Variants in EYA4 observed in about 807,000 individuals in gnomAD.
EYA4 encodes the protein protein phosphatase EYA4.
A neutral mutation model predicts 87.9 loss-of-function variants in EYA4; 31 were observed. The observed-to-expected ratio is 0.35, with a 90% CI of 0.27 to 0.48. The LOEUF is 0.48. Ranked by LOEUF, EYA4 falls within the 20% of genes least tolerant of loss-of-function variation. The pLI is 0.99. For missense variants in EYA4, 678 were observed against 761.4 expected (o/e 0.89, Z 1.29); for synonymous variants, 263 against 270.6 (o/e 0.97, Z 0.28).
intron 2 of EYA4, among the ~76,000 whole-genome samples, chr6:133,298,823 A>G (rs1416759017): frequency 6.6e-6 from 1 of 152,232 alleles, no homozygotes; most frequent in Non-Finnish European, 1.5e-5. Context: ...ACCTACAGAA[A>G]TAATTTCATG....
At chr6:133,441,259 G>T (rs1250781045) in intron 3 of EYA4, among the ~76,000 whole-genome samples, 2 of 152,016 alleles carry the variant, frequency 1.3e-5, no homozygotes, top group African/African-American at 4.8e-5. Flanking sequence ...CCAATATGCT[G>T]TTAAGTCCAC....
intron 2 of EYA4, among the ~76,000 whole-genome samples, chr6:133,361,063 GT>G (rs1357836750): frequency 1.3e-5 from 2 of 152,178 alleles, no homozygotes; most frequent in Non-Finnish European, 2.9e-5. Context: ...ATACTCCAGA[GT>G]TCATCCAGAC....
chr6:133,497,288 C>T (rs1043427092), intron 13 of EYA4, among the ~76,000 whole-genome samples: 3 of 151,996 alleles, frequency 2.0e-5, no homozygotes, highest in Admixed American at 2.0e-4. Context: ...GTAGGAATGA[C>T]CTTTTACCCA....
intron 3 of EYA4, among the ~76,000 whole-genome samples, chr6:133,446,207 G>A (rs576177641): frequency 6.6e-6 from 1 of 151,958 alleles, no homozygotes; most frequent in African/African-American, 2.4e-5. Context: ...AGTTTAGGAG[G>A]GTGGGTATGC....
chr6:133,352,291 C>T (rs1396495223), intron 2 of EYA4, among the ~76,000 whole-genome samples: 3 of 152,114 alleles, frequency 2.0e-5, no homozygotes, highest in South Asian at 2.1e-4. Flanking sequence ...AACACAGTAA[C>T]GTCACAATTC....
chr6:133,517,675 G>C (rs1478100444), intron 17 of EYA4, among the ~76,000 whole-genome samples: 1 of 152,202 alleles, frequency 6.6e-6, no homozygotes, highest in African/African-American at 2.4e-5. Flanking sequence ...GTAGCTTCCT[G>C]TGTCTGACTG....
At chr6:133,301,941 T>C (rs545739195) in intron 2 of EYA4, among the ~76,000 whole-genome samples, 4 of 152,344 alleles carry the variant, frequency 2.6e-5, no homozygotes, top group Admixed American at 2.6e-4. Flanking sequence ...TGGGCACATC[T>C]GCCTGGGACG....
At chr6:133,519,686 C>T (rs1799935109) in intron 17 of EYA4, among the ~76,000 whole-genome samples, 1 of 143,852 alleles carries the variant, frequency 7.0e-6, no homozygotes, top group Admixed American at 6.8e-5. Flanking sequence ...GGCAGAGACA[C>T]AACAAAAAAA....
intron 2 of EYA4, among the ~76,000 whole-genome samples, chr6:133,299,476 C>A (rs904191858): frequency 6.6e-6 from 1 of 151,778 alleles, no homozygotes; most frequent in African/African-American, 2.4e-5. Flanking sequence ...CTTTGGGAGG[C>A]CGAGGTGGGT....
intron 2 of EYA4, among the ~76,000 whole-genome samples, chr6:133,297,567 C>T (rs1240451381): frequency 2.0e-5 from 3 of 152,184 alleles, no homozygotes; most frequent in Admixed American, 1.3e-4. Flanking sequence ...AAGTTGGACT[C>T]CTGGTTTTGC....
rs375381976 is a variant in EYA4, at chr6:133,391,233, T to G, written c.83+8792T>G. Reference sequence around the variant, plus strand: ...TGGGTTTTGTTTTTGTTTTTTTTTTTTTTTTGAGATGGAGTTTCGCTCTTG... The same window carrying G: ...TGGGTTTTGTTTTTGTTTTTTTTTTGTTTTTGAGATGGAGTTTCGCTCTTG... On this transcript the variant is annotated intron_variant, in intron 3 of 19. Transcript: ENST00000355286. Among the ~76,000 whole-genome samples the G allele has an allele frequency of 5.0e-3, 741 of 147,504 alleles. 5 individuals carry two copies. Among genetic ancestry groups the G allele is most frequent in the South Asian group, 1.0e-2 (46 of 4,620 alleles).
intron 2 of EYA4, among the ~76,000 whole-genome samples, chr6:133,321,135 C>G (rs889871707): frequency 6.6e-6 from 1 of 152,140 alleles, no homozygotes; most frequent in Admixed American, 6.5e-5. Flanking sequence ...GTCAGTCTGT[C>G]GGTTGGTCCT....
chr6:133,440,128 A>T (rs1164416080), intron 3 of EYA4, among the ~76,000 whole-genome samples: 2 of 152,220 alleles, frequency 1.3e-5, no homozygotes, highest in Non-Finnish European at 2.9e-5. Flanking sequence ...CATAGACAGG[A>T]ATTATAGTCA....
chr6:133,474,418 A>T (rs1795546422), intron 11 of EYA4, among the ~76,000 whole-genome samples: 1 of 152,124 alleles, frequency 6.6e-6, no homozygotes, highest in Non-Finnish European at 1.5e-5. Context: ...TATTCTGAGT[A>T]TGTGACTTTG....
chr6:133,462,868 T>C, intron 9 of EYA4, 104 bp downstream of exon 9: 2 of 1,025,754 alleles, frequency 1.9e-6, no homozygotes, highest in East Asian at 4.8e-5. Context: ...GTTTTAAGCT[T>C]TATCACAGCT....
intron 2 of EYA4, among the ~76,000 whole-genome samples, chr6:133,331,842 G>A (rs1262214906): frequency 1.3e-5 from 2 of 152,122 alleles, no homozygotes; most frequent in Non-Finnish European, 2.9e-5. Context: ...CCTAATTCAG[G>A]GACAAAAATG....
chr6:133,502,737 C>T (rs1392668044), intron 13 of EYA4: 1 of 151,698 alleles, frequency 6.6e-6, no homozygotes, highest in African/African-American at 2.4e-5. Context: ...CCCAGACATT[C>T]TCTTAGAAAC....
At chr6:133,264,450 C>A (rs556068789) in intron 1 of EYA4, among the ~76,000 whole-genome samples, 5 of 152,376 alleles carry the variant, frequency 3.3e-5, no homozygotes, top group African/African-American at 1.2e-4. Context: ...GGGAGCAGGA[C>A]TGGAGGGAAG....
rs149767108 is a variant in EYA4, at chr6:133,487,694, C to T, written c.1191+4579C>T. On this transcript the variant is annotated intron_variant, in intron 13 of 19. Coordinates refer to ENST00000355286, the MANE Select transcript of EYA4 (RefSeq NM_004100.5). ...AGATTCATCACCTGCTACCAAGATT[C>T]ATCACTCTTGGGCCCTGAATAATCA... Among the ~76,000 whole-genome samples the T allele has an allele frequency of 2.9e-3, 447 of 152,234 alleles. 2 individuals carry two copies. The highest frequency in any genetic ancestry group is 0.01 in the African/African-American group (421 of 41,544).
Sources: gnomAD v4.1 joint callset for allele counts (sites outside exome capture counted in the v4.1 genomes callset) on GRCh38, gnomAD v4.1.1 for gene constraint, MANE v1.5 for transcripts, NCBI Gene and HGNC (gene_info 2026-07-23, HGNC 2026-07-21) for gene names.